CWC22: variants seen among roughly 807,000 people sequenced by gnomAD.
CWC22 encodes the protein pre-mRNA-splicing factor CWC22 homolog.
A neutral mutation model predicts 117.2 loss-of-function variants in CWC22; 53 were observed. That is an observed-to-expected ratio of 0.45 (90% CI 0.36 to 0.57). The LOEUF (loss-of-function observed/expected upper bound fraction) is 0.57. Among genes scored for constraint, CWC22 ranks in the 20% least tolerant of loss-of-function variants. The pLI is 0.00. For synonymous variants in CWC22, 360 were observed against 355.6 expected, an observed-to-expected ratio of 1.01 and a Z score of -0.14; for missense variants, 980 against 1,068.8, an observed-to-expected ratio of 0.92 and a Z score of 1.16.
intron 4 of CWC22, among the ~76,000 whole-genome samples, chr2:179,983,916 A>G (rs1687350414): frequency 6.6e-6 from 1 of 152,154 alleles, no homozygotes; most frequent in South Asian, 2.1e-4. Flanking sequence ...ACCAGGTAAG[A>G]GAGCTAGCTG....
chr2:179,954,930 A>G (rs1457189506), intron 15 of CWC22, 27 bp downstream of exon 15: 7 of 1,311,366 alleles, frequency 5.3e-6, no homozygotes, highest in Non-Finnish European at 6.5e-6. Flanking sequence ...CGTTTTAAGA[A>G]TTCCCTCAGT....
chr2:179,977,753 T>C (rs915226168), intron 6 of CWC22, among the ~76,000 whole-genome samples: 2 of 152,208 alleles, frequency 1.3e-5, no homozygotes, highest in African/African-American at 4.8e-5. Context: ...TGTGAATGCA[T>C]GTTAAACAGC....
At chr2:180,004,628 G>A (rs1488065132) in intron 1 of CWC22, among the ~76,000 whole-genome samples, 1 of 151,914 alleles carries the variant, frequency 6.6e-6, no homozygotes, top group Non-Finnish European at 1.5e-5. Context: ...CAAGTGATCC[G>A]CCCGCCTTGG....
At chr2:179,969,281 T>C (rs1686971884) in intron 11 of CWC22, among the ~76,000 whole-genome samples, 2 of 152,160 alleles carry the variant, frequency 1.3e-5, no homozygotes, top group Admixed American at 6.5e-5. Context: ...AATGGATCTA[T>C]GGAGTTCTCT....
chr2:179,987,661 TG>T (rs1687453859), intron 3 of CWC22, among the ~76,000 whole-genome samples: 1 of 152,140 alleles, frequency 6.6e-6, no homozygotes, highest in Non-Finnish European at 1.5e-5. Flanking sequence ...CCTAGACAAC[TG>T]GAAGAAAGTT....
intron 14 of CWC22, among the ~76,000 whole-genome samples, chr2:179,958,567 G>GT (rs992196062): frequency 1.3e-4 from 20 of 149,822 alleles, no homozygotes; most frequent in Admixed American, 2.7e-4. Context: ...GCAAATTTTT[G>GT]TTTTTTTAGC....
At chr2:179,966,169 A>G (rs17778810) in intron 11 of CWC22, among the ~76,000 whole-genome samples, 187 bp from the exon 12 acceptor site, 3,537 of 151,704 alleles carry the variant, frequency 0.023, 59 homozygotes, top group Non-Finnish European at 0.035. Flanking sequence ...TGATTTGACT[A>G]AAGAGAGCTG....
chr2:179,999,806 T>A (rs1687800551), intron 1 of CWC22, among the ~76,000 whole-genome samples: 1 of 152,180 alleles, frequency 6.6e-6, no homozygotes. Context: ...AGAGTTCATA[T>A]TTAAAACAAA....
At chr2:179,962,790 A>G (rs1686787658) in intron 13 of CWC22, among the ~76,000 whole-genome samples, 1 of 152,136 alleles carries the variant, frequency 6.6e-6, no homozygotes, top group Admixed American at 6.5e-5. Flanking sequence ...GCAAATAACA[A>G]TGTTGCCAGA....
Position 179,952,518 on chromosome 2 carries a change from C to T in CWC22, c.1770G>A (p.Leu590=), listed in dbSNP as rs762786503. 1.9e-6 allele frequency: 3 copies of T among 1,567,050 alleles called. No individual in the cohort carries two copies. The highest frequency in any genetic ancestry group is 2.3e-5 in the East Asian group (1 of 43,116). ...GTTTAGGAAGACCCATGTATTCACA[C>T]AGTTCCTGGAAAAATATTTTGACAA... ...RIFVKIFFQE[L]CEYMGLPKLN... is the part of the protein sequence containing the mutation. The change falls in exon 17 of 20, where the codon CTG becomes CTA. Residue 590 remains leucine (L), a synonymous_variant. Coordinates refer to ENST00000410053, the MANE Select transcript of CWC22 (RefSeq NM_020943.3).
intron 4 of CWC22, among the ~76,000 whole-genome samples, chr2:179,983,573 T>C (rs891470718): frequency 2.1e-4 from 32 of 152,312 alleles, no homozygotes; most frequent in Admixed American, 1.1e-3. Flanking sequence ...GTGATAAATA[T>C]ACACATGCAT....
rs1301366196 is a variant in CWC22 at position 179,970,552 on chromosome 2, T to C, written c.1159A>G (p.Met387Val). The C allele has an allele frequency of 1.3e-6, 2 of 1,548,122 alleles. No individual in the cohort carries two copies. The highest frequency in any genetic ancestry group is 3.9e-5 in the Admixed American group (2 of 50,856). Residue 387 changes from methionine to valine, a missense_variant, in exon 11 of 20, where the codon ATG becomes GTG. Around this residue, in one of 3 missense-constraint regions of CWC22, gnomAD observed 559 missense variants for 602.3 expected, o/e 0.93. Transcript: ENST00000410053. Reference protein sequence around the residue: ...NPEDVLNVFKMDPNFMENEEK... With the variant: ...NPEDVLNVFKVDPNFMENEEK... Reference sequence around the variant, plus strand: ...TCATTCTCCATAAAATTAGGATCCATCTTGAAAACATCTAAAAAAAATGTA... The same window carrying C: ...TCATTCTCCATAAAATTAGGATCCACCTTGAAAACATCTAAAAAAAATGTA...
chr2:179,950,904 C>T lies in CWC22; in HGVS notation c.1840G>A (p.Gly614Arg), dbSNP rs1686430360. Residue 614 changes from glycine to arginine, a missense_variant, in exon 18 of 20, where the codon GGA (glycine) becomes AGA (arginine). By Grantham distance (125) the Gly-to-Arg change is moderately radical. Coordinates refer to ENST00000410053, the MANE Select transcript of CWC22 (RefSeq NM_020943.3). ...CTTGGATTATCTCGGGGTAATAATC[C>T]TTCAAAGAATGGCTGCAGAGTTCTA... is the stretch of plus-strand genomic sequence containing the variant. ...KDETLQPFFE[G>R]LLPRDNPRNT... 1 of 1,574,828 alleles carries T rather than the reference C, an allele frequency of 6.3e-7. No homozygotes were observed.
chr2:179,968,393 A>C (rs1686944597), intron 11 of CWC22, among the ~76,000 whole-genome samples: 1 of 152,120 alleles, frequency 6.6e-6, no homozygotes, highest in South Asian at 2.1e-4. Flanking sequence ...TTTTCTTCAC[A>C]TACTTCAATT....
chr2:179,995,099 C>T (rs551220831), intron 1 of CWC22, among the ~76,000 whole-genome samples: 105 of 152,314 alleles, frequency 6.9e-4, no homozygotes, highest in African/African-American at 2.0e-3. Context: ...GCCTGGGCAA[C>T]AGAGTGAGAC....
Position 179,976,347 on chromosome 2 carries a change from G to A in CWC22, c.581+1843C>T, listed in dbSNP as rs548186111. Among the ~76,000 whole-genome samples, 12 of 152,232 alleles carry A rather than the reference G, an allele frequency of 7.9e-5. No individual in the cohort carries two copies. The East Asian group carries it at 2.3e-3, about 29-fold the overall frequency. Reference sequence around the variant, plus strand: ...ACAAAGGAAAAGCTCTGAGACACTGGTATGGTTAATGATTTTTTGGATATG... The same window carrying A: ...ACAAAGGAAAAGCTCTGAGACACTGATATGGTTAATGATTTTTTGGATATG... On this transcript the variant is annotated intron_variant, in intron 6 of 19. Transcript: ENST00000410053.
At position 179,972,428 on chromosome 2, in the gene CWC22, T is replaced by C. The variant is rs972387206; in HGVS notation, c.804+765A>G. On this transcript the variant is annotated intron_variant, in intron 8 of 19. Coordinates refer to ENST00000410053, the MANE Select transcript of CWC22 (RefSeq NM_020943.3). ...TAAAATTACCTGCATTTGAAACAGA[T>C]TAAAATCGATCAACTCTATTCTATC... Among the ~76,000 whole-genome samples the C allele has an allele frequency of 2.0e-5, 3 of 152,140 alleles. No individual in the cohort carries two copies. In the East Asian group the frequency reaches 5.8e-4, roughly 29 times the overall value.
chr2:179,991,169 C>T (rs3845704), intron 2 of CWC22, among the ~76,000 whole-genome samples: 151,338 of 152,292 alleles, frequency 0.99, 75,203 homozygotes, highest in Middle Eastern at 1. Context: ...GAGAGCAGTA[C>T]GAGGAGACAA....
At chr2:179,979,952 T>C (rs1687246826) in intron 5 of CWC22, among the ~76,000 whole-genome samples, 1 of 152,232 alleles carries the variant, frequency 6.6e-6, no homozygotes, top group Non-Finnish European at 1.5e-5. Context: ...CTCTTACAGA[T>C]GTCTACTTCT....
Sources: gnomAD v4.1 joint callset for allele counts (sites outside exome capture counted in the v4.1 genomes callset) on GRCh38, gnomAD v4.1.1 for gene constraint, gnomAD v4.1.1 regional missense constraint, MANE v1.5 for transcripts, NCBI Gene and HGNC (gene_info 2026-07-23, HGNC 2026-07-21) for gene names.